SLC25A26: variants seen among roughly 807,000 people sequenced by gnomAD.
The protein encoded by SLC25A26 is mitochondrial S-adenosylmethionine carrier protein.
SLC25A26 carries 36 observed loss-of-function variants against 37.8 expected under a neutral mutation model. The observed-to-expected ratio is 0.95, with a 90% CI of 0.73 to 1.26. The LOEUF (loss-of-function observed/expected upper bound fraction) is 1.26, where lower values mean the gene tolerates loss of function less well. SLC25A26 is among the 50% of genes most tolerant of loss of function. The pLI is 0.00. For synonymous variants in SLC25A26, 129 were observed against 122.5 expected, an observed-to-expected ratio of 1.05 and a Z score of -0.35; for missense variants, 390 against 331.1, an observed-to-expected ratio of 1.18 and a Z score of -1.38.
chr3:66,184,520 A>G (rs2070777679), intron 1 of SLC25A26, among the ~76,000 whole-genome samples: 1 of 61,604 alleles, frequency 1.6e-5, no homozygotes, highest in Non-Finnish European at 3.4e-5. Context: ...CTACTTCACC[A>G]CTACCCTAAC....
At chr3:66,248,813 G>A (rs927953787) in intron 3 of SLC25A26, among the ~76,000 whole-genome samples, 11 of 152,180 alleles carry the variant, frequency 7.2e-5, no homozygotes, top group Non-Finnish European at 5.9e-5. Context: ...AAGAAGGCCC[G>A]ATGAGCATCT....
At chr3:66,354,828 CAA>C in intron 6 of SLC25A26, among the ~76,000 whole-genome samples, 1 of 152,258 alleles carries the variant, frequency 6.6e-6, no homozygotes, top group Admixed American at 6.5e-5. Context: ...CTTTAAAAAA[CAA>C]GAGTTTGCCT....
intron 5 of SLC25A26, among the ~76,000 whole-genome samples, chr3:66,336,824 T>A (rs998390122): frequency 6.6e-6 from 1 of 151,892 alleles, no homozygotes; most frequent in Admixed American, 6.6e-5. Context: ...CATATGTATA[T>A]GTGTGTGTGT....
intron 9 of SLC25A26, among the ~76,000 whole-genome samples, chr3:66,371,609 GC>G (rs1429576842): frequency 6.6e-6 from 1 of 152,170 alleles, no homozygotes; most frequent in Non-Finnish European, 1.5e-5. Flanking sequence ...GGAATAATTG[GC>G]TGTTGACGTC....
intron 5 of SLC25A26, among the ~76,000 whole-genome samples, chr3:66,302,137 C>T (rs1247396406): frequency 6.6e-6 from 1 of 152,232 alleles, no homozygotes; most frequent in Non-Finnish European, 1.5e-5. Flanking sequence ...GTCTCTAATA[C>T]TCCATCTGTT....
At chr3:66,293,150 C>T (rs1284368599) in intron 5 of SLC25A26, 2 of 152,102 alleles carry the variant, frequency 1.3e-5, no homozygotes, top group African/African-American at 4.8e-5. Flanking sequence ...GCATGTCATC[C>T]TTGCACAGGG....
intron 3 of SLC25A26, among the ~76,000 whole-genome samples, chr3:66,254,251 G>C (rs1333185969): frequency 6.6e-6 from 1 of 152,190 alleles, no homozygotes; most frequent in Non-Finnish European, 1.5e-5. Context: ...ATGAACTGTT[G>C]TAGAGGTTTT....
chr3:66,342,884 C>A (rs1321347440), intron 5 of SLC25A26, among the ~76,000 whole-genome samples: 1 of 152,254 alleles, frequency 6.6e-6, no homozygotes, highest in East Asian at 1.9e-4. Flanking sequence ...TGGGTCTTAA[C>A]AACCTTATTC....
At chr3:66,231,293 G>T (rs2072015838) in intron 1 of SLC25A26, among the ~76,000 whole-genome samples, 1 of 152,186 alleles carries the variant, frequency 6.6e-6, no homozygotes, top group African/African-American at 2.4e-5. Flanking sequence ...CTTAGGGTCA[G>T]TAGGTTGAGG....
intron 6 of SLC25A26, among the ~76,000 whole-genome samples, chr3:66,349,214 ATGC>A (rs374843373): frequency 3.7e-4 from 56 of 152,384 alleles, no homozygotes; most frequent in African/African-American, 1.3e-3. Flanking sequence ...AAATGTTAAG[ATGC>A]TGCCATTTTT....
intron 1 of SLC25A26, among the ~76,000 whole-genome samples, chr3:66,174,592 A>T (rs1426653608): frequency 6.6e-6 from 1 of 152,028 alleles, no homozygotes; most frequent in Non-Finnish European, 1.5e-5. Context: ...CATCCTGGCT[A>T]ACACGGTGAA....
At chr3:66,149,568 G>A (rs1034646377) in intron 1 of SLC25A26, among the ~76,000 whole-genome samples, 10 of 152,144 alleles carry the variant, frequency 6.6e-5, no homozygotes, top group East Asian at 1.9e-4. Context: ...GTGCTCTTAC[G>A]TGTTTTGTTT....
intron 2 of SLC25A26, among the ~76,000 whole-genome samples, chr3:66,239,520 G>C (rs529745132): frequency 6.6e-6 from 1 of 152,122 alleles, no homozygotes; most frequent in African/African-American, 2.4e-5. Flanking sequence ...TGCTTCTCCT[G>C]TTATCTTGAC....
intron 5 of SLC25A26, among the ~76,000 whole-genome samples, chr3:66,331,715 A>G (rs2075978281): frequency 1.3e-5 from 2 of 152,046 alleles, no homozygotes; most frequent in African/African-American, 2.4e-5. Flanking sequence ...TTTCCATTCC[A>G]TTAATGGTGA....
Position 66,221,043 on chromosome 3 carries a change from G to A in SLC25A26, c.-52G>A, listed in dbSNP as rs2071462377. 1.3e-6 allele frequency: 2 copies of A among 1,533,280 alleles called. No individual in the cohort carries two copies. The highest frequency in any genetic ancestry group is 8.7e-7 in the Non-Finnish European group (1 of 1,144,018). The allele number at this position is 1,533,280 out of a possible 1,614,324, so 95.0% of individuals were successfully genotyped here. A position where few individuals can be genotyped will look rare whatever the true frequency, so the allele number is the denominator to read the frequency against. On this transcript the variant is annotated 5_prime_UTR_variant, in exon 1 of 10. Coordinates refer to ENST00000354883, the MANE Select transcript of SLC25A26 (RefSeq NM_001379210.1). Reference sequence around the variant, plus strand: ...GGCGGCGCCCAGCGCGCGAGGACGTGATCCGCTTCTGCTCCGGCTTGGATT... The same window carrying A: ...GGCGGCGCCCAGCGCGCGAGGACGTAATCCGCTTCTGCTCCGGCTTGGATT...
At chr3:66,147,069 CT>C (rs2070126219) in intron 1 of SLC25A26, among the ~76,000 whole-genome samples, 2 of 31,032 alleles carry the variant, frequency 6.4e-5, no homozygotes, top group East Asian at 1.3e-3. Flanking sequence ...CTTCCCTCCC[CT>C]TCCCTTCCCT....
At chr3:66,176,738 G>T (rs2070592991) in intron 1 of SLC25A26, among the ~76,000 whole-genome samples, 1 of 152,156 alleles carries the variant, frequency 6.6e-6, no homozygotes, top group Non-Finnish European at 1.5e-5. Flanking sequence ...GGACGCAAAA[G>T]ACACCTCATA....
chr3:66,331,686 T>C (rs1282916167), intron 5 of SLC25A26, among the ~76,000 whole-genome samples: 1 of 152,228 alleles, frequency 6.6e-6, no homozygotes, highest in African/African-American at 2.4e-5. Flanking sequence ...TCTTGTTACT[T>C]TGGAAATTCT....
rs1365754050 is a variant in SLC25A26 at position 66,209,096 on chromosome 3, A to G, written c.-353-11646A>G. 1.4e-4 allele frequency among the ~76,000 whole-genome samples: 10 copies of G among 72,032 alleles called. 2 individuals carry two copies. Among genetic ancestry groups the G allele is most frequent in the African/African-American group, 3.3e-4 (4 of 12,168 alleles). 47.3% of individuals were successfully genotyped at this position (72,032 alleles called of 152,430 possible). ...CACACACCCATATAAAGATGTATAT[A>G]TATATATATATATATATACACAAAA... On this transcript the variant is annotated intron_variant, in intron 1 of 10. Coordinates refer to the SLC25A26 transcript ENST00000676754.
Sources: allele counts gnomAD v4.1 joint callset (sites outside exome capture counted in the v4.1 genomes callset), GRCh38; gene constraint gnomAD v4.1.1; transcripts MANE v1.5; gene names NCBI Gene and HGNC (gene_info 2026-07-23, HGNC 2026-07-21).